The following CDC14A variants were observed in gnomAD, a reference collection of about 807,000 sequenced individuals.
CDC14A encodes cell division cycle 14A.
Under a neutral mutation model 74.4 loss-of-function variants are expected in CDC14A, and 53 were observed. That is an observed-to-expected ratio of 0.71 (90% CI 0.57 to 0.89). The LOEUF (loss-of-function observed/expected upper bound fraction) is 0.89, where lower values mean the gene tolerates loss of function less well. Ranked by LOEUF, CDC14A falls within the 40% of genes least tolerant of loss-of-function variation. The pLI is 0.00. For synonymous variants in CDC14A, 247 were observed against 258.4 expected (o/e 0.96, Z 0.43); for missense variants, 646 against 713.7 (o/e 0.91, Z 1.08).
At chr1:100,396,668 C>T (rs1195448413) in intron 4 of CDC14A, among the ~76,000 whole-genome samples, 7 of 152,090 alleles carry the variant, frequency 4.6e-5, no homozygotes, top group Admixed American at 3.3e-4. Context: ...CTTGTATTTT[C>T]CCAATTTTTT....
At chr1:100,369,955 T>A (rs1435573913) in intron 2 of CDC14A, among the ~76,000 whole-genome samples, 1 of 151,400 alleles carries the variant, frequency 6.6e-6, no homozygotes, top group African/African-American at 2.4e-5. Flanking sequence ...GGACTATAGA[T>A]GTATGCCACC....
At chr1:100,503,750 A>G (rs1348350974) in intron 15 of CDC14A, among the ~76,000 whole-genome samples, 1 of 152,222 alleles carries the variant, frequency 6.6e-6, no homozygotes, top group Non-Finnish European at 1.5e-5. Context: ...TCACTCCCTG[A>G]CACTCAGAGG....
At chr1:100,392,399 C>G (rs1657841113) in intron 4 of CDC14A, among the ~76,000 whole-genome samples, 1 of 151,212 alleles carries the variant, frequency 6.6e-6, no homozygotes, top group Admixed American at 6.6e-5. Context: ...TTTGTGGATC[C>G]TTTCTCATAA....
At position 100,518,605 on chromosome 1, in the gene CDC14A, T is replaced by C. The variant is rs1355968317; in HGVS notation, c.*325T>C. 1 of 175,944 alleles carries C rather than the reference T, an allele frequency of 5.7e-6. No homozygotes were observed. The highest frequency in any genetic ancestry group is 1.2e-5 in the Non-Finnish European group (1 of 83,270). The allele number at this position is 175,944 out of a possible 1,614,324, so 10.9% of individuals were successfully genotyped here. A position where few individuals can be genotyped will look rare whatever the true frequency, so the allele number is the denominator to read the frequency against. On this transcript the variant is annotated 3_prime_UTR_variant, in exon 16 of 16. Coordinates refer to ENST00000336454, the MANE Select transcript of CDC14A (RefSeq NM_003672.4). ...TTATATTTACATGTACAGTGTTACA[T>C]TATATATGTATTGTGAACTTTAAAA...
intron 11 of CDC14A, chr1:100,484,772 A>G (rs889656932): frequency 1.0e-6 from 1 of 992,354 alleles, no homozygotes; most frequent in African/African-American, 1.7e-5. Context: ...TTAATGTGAC[A>G]ATTGAGGAAA....
In CDC14A at chr1:100,476,343, C is replaced by G. The variant is rs560943281; in HGVS notation, c.978-7949C>G. On this transcript the variant is annotated intron_variant, in intron 10 of 15. Transcript: ENST00000336454. ...TGGCATGTGCCTGTAATCCCAGCTA[C>G]TTCGGAGGCTGAAGCAATCAATTGA... is the stretch of plus-strand genomic sequence containing the variant. 2.3e-4 allele frequency among the ~76,000 whole-genome samples: 35 copies of G among 152,296 alleles called. 1 individual carries two copies. The South Asian group carries it at 7.0e-3, about 31-fold the overall frequency.
In CDC14A at chr1:100,363,124, G is replaced by A. The variant is rs371094447; in HGVS notation, c.140+9272G>A. ...CCCACCCTAATCTTATTATGCAAAT[G>A]GACTTTCCACTCGGCCAGTGCCGTC... On this transcript the variant is annotated intron_variant, in intron 2 of 15. Coordinates refer to ENST00000336454, the MANE Select transcript of CDC14A (RefSeq NM_003672.4). 8 of 152,340 alleles carry A rather than the reference G, an allele frequency of 5.3e-5. No homozygotes were observed. In the East Asian group the frequency reaches 7.7e-4, roughly 15 times the overall value. 9.4% of individuals were successfully genotyped at this position (152,340 alleles called of 1,614,324 possible). A position where few individuals can be genotyped will look rare whatever the true frequency, so the allele number is the denominator to read the frequency against.
intron 2 of CDC14A, among the ~76,000 whole-genome samples, chr1:100,365,341 AATAG>A (rs1177824667): frequency 2.0e-5 from 3 of 152,228 alleles, no homozygotes; most frequent in Non-Finnish European, 4.4e-5. Context: ...GAGAACATCA[AATAG>A]GGCAAGTAGA....
intron 1 of CDC14A, among the ~76,000 whole-genome samples, 167 bp from the exon 2 acceptor site, chr1:100,353,595 T>G (rs775888625): frequency 6.6e-6 from 1 of 152,216 alleles, no homozygotes; most frequent in Non-Finnish European, 1.5e-5. Context: ...CTTGCCTAAC[T>G]GTTGTGCTCT....
At chr1:100,483,014 C>T (rs1256305804) in intron 10 of CDC14A, among the ~76,000 whole-genome samples, 1 of 151,972 alleles carries the variant, frequency 6.6e-6, no homozygotes, top group Non-Finnish European at 1.5e-5. Flanking sequence ...TAGGTTGATT[C>T]CTTGTCTTTG....
chr1:100,468,173 T>C (rs1668034353), intron 10 of CDC14A, 79 bp downstream of exon 10: 1 of 1,517,206 alleles, frequency 6.6e-7, no homozygotes, highest in East Asian at 2.3e-5. Context: ...TTGTGGACCA[T>C]GTCAGCCTGT....
intron 8 of CDC14A, among the ~76,000 whole-genome samples, chr1:100,459,101 GCACACACACACACACACACA>G (rs545033793): frequency 1.4e-5 from 2 of 143,690 alleles, no homozygotes; most frequent in Non-Finnish European, 3.0e-5. Flanking sequence ...ACACACACAC[GCACACACACACACACACACA>G]CACACAGAGA....
intron 2 of CDC14A, among the ~76,000 whole-genome samples, chr1:100,359,142 C>T (rs963640544): frequency 1.3e-5 from 2 of 152,152 alleles, no homozygotes; most frequent in African/African-American, 4.8e-5. Flanking sequence ...AATAATAAAG[C>T]CATAGCAACA....
At chr1:100,351,999 T>C (rs1202503417), upstream of CDC14A, among the ~76,000 whole-genome samples, 16 of 131,316 alleles carry the variant, frequency 1.2e-4, no homozygotes, top group Admixed American at 3.6e-4. Flanking sequence ...TGTGTGTGTG[T>C]GTGTGCGCGC....
Position 100,463,492 on chromosome 1 carries a change from G to T in CDC14A, c.838+611G>T, listed in dbSNP as rs192816986. Among the ~76,000 whole-genome samples the T allele has an allele frequency of 6.6e-5, 10 of 152,294 alleles. No individual in the cohort carries two copies. The East Asian group carries it at 1.9e-3, about 29-fold the overall frequency. Reference sequence around the variant, plus strand: ...TTGCAAAAATCTCTGATCTCTGGGGGTGGATACTTTGGGGCAGGAATTGTT... The same window carrying T: ...TTGCAAAAATCTCTGATCTCTGGGGTTGGATACTTTGGGGCAGGAATTGTT... On this transcript the variant is annotated intron_variant, in intron 9 of 15. Coordinates refer to ENST00000336454, the MANE Select transcript of CDC14A (RefSeq NM_003672.4).
At position 100,498,199 on chromosome 1, in the gene CDC14A, T is replaced by C. The variant is rs768515964; in HGVS notation, c.1413T>C (p.Thr471=). 8 of 1,613,802 alleles carry C rather than the reference T, an allele frequency of 5.0e-6. No individual in the cohort carries two copies. Among genetic ancestry groups the C allele is most frequent in the Non-Finnish European group, 6.8e-6 (8 of 1,179,896 alleles). The change falls in exon 14 of 16, where the codon ACT becomes ACC. Residue 471 remains threonine (T), a synonymous_variant. Transcript: ENST00000336454. Reference sequence around the variant, plus strand: ...GAACTTCTTTGTCTTCGGGTGCCACTGTAAGAAGGTAATTTTTCTCTCCCT... The same window carrying C: ...GAACTTCTTTGTCTTCGGGTGCCACCGTAAGAAGGTAATTTTTCTCTCCCT... ...INRTSLSSGA[T]VRSFSINSRL... is the part of the protein sequence containing the mutation.
chr1:100,491,076 G>A (rs1237457257), intron 11 of CDC14A, among the ~76,000 whole-genome samples: 1 of 152,052 alleles, frequency 6.6e-6, no homozygotes, highest in East Asian at 1.9e-4. Flanking sequence ...TATGTTTGTT[G>A]AGGCTGTTTA....
At chr1:100,491,430 A>G (rs974207626) in intron 11 of CDC14A, among the ~76,000 whole-genome samples, 5 of 150,552 alleles carry the variant, frequency 3.3e-5, no homozygotes, top group Non-Finnish European at 5.9e-5. Context: ...TTTATTACTA[A>G]TGACAAACAT....
At chr1:100,444,755 A>T (rs944934256) in intron 7 of CDC14A, among the ~76,000 whole-genome samples, 8 of 152,216 alleles carry the variant, frequency 5.3e-5, no homozygotes, top group African/African-American at 1.9e-4. Context: ...CATTTTTCTT[A>T]TATCATGGCT....
Sources: allele counts gnomAD v4.1 joint callset (sites outside exome capture counted in the v4.1 genomes callset), GRCh38; gene constraint gnomAD v4.1.1; transcripts MANE v1.5; gene names NCBI Gene and HGNC (gene_info 2026-07-23, HGNC 2026-07-21).